Variants in ASPH observed in about 807,000 individuals in gnomAD.
ASPH encodes the protein aspartate beta-hydroxylase, also known as aspartyl/asparaginyl beta-hydroxylase.
In ASPH, 100 loss-of-function variants were observed where a neutral mutation model predicts 118.4. That is an observed-to-expected ratio of 0.84 (90% CI 0.72 to 1.00). The LOEUF is 1.00. Ranked by LOEUF, ASPH falls within the 50% of genes least tolerant of loss-of-function variation. ASPH has a pLI of 0.00. For synonymous variants in ASPH, 315 were observed against 325.6 expected (o/e 0.97, Z 0.35); for missense variants, 920 against 919.5 (o/e 1.00, Z -0.01).
chr8:61,639,279 A>G (rs186563292), intron 10 of ASPH, among the ~76,000 whole-genome samples: 23 of 151,840 alleles, frequency 1.5e-4, no homozygotes, highest in Admixed American at 5.3e-4. Flanking sequence ...GAACAATCTA[A>G]TTTCTTCAGT....
At chr8:61,654,421 G>A (rs541386857) in intron 3 of ASPH, among the ~76,000 whole-genome samples, 1 of 152,098 alleles carries the variant, frequency 6.6e-6, no homozygotes, top group East Asian at 1.9e-4. Context: ...CAAAGATTCC[G>A]TTTGCTGATC....
chr8:61,513,164 T>G (rs1809545335), intron 24 of ASPH, among the ~76,000 whole-genome samples: 1 of 152,224 alleles, frequency 6.6e-6, no homozygotes, highest in Admixed American at 6.5e-5. Context: ...CTTTTAGAAG[T>G]TGAGACAGTC....
chr8:61,568,941 CAT>C (rs1029996127), intron 16 of ASPH, among the ~76,000 whole-genome samples: 20 of 152,018 alleles, frequency 1.3e-4, no homozygotes, highest in South Asian at 4.2e-4. Context: ...AAGGATGGGA[CAT>C]AGTACAGCAT....
At chr8:61,555,380 G>A (rs867902021) in intron 19 of ASPH, among the ~76,000 whole-genome samples, 1 of 152,024 alleles carries the variant, frequency 6.6e-6, no homozygotes. Flanking sequence ...CTTCTCCAAC[G>A]TCTCCTGGGT....
intron 14 of ASPH, among the ~76,000 whole-genome samples, chr8:61,608,852 T>C (rs917996619): frequency 6.6e-6 from 1 of 152,174 alleles, no homozygotes; most frequent in African/African-American, 2.4e-5. Context: ...CTTCATCCAC[T>C]GGGATCCATC....
intron 1 of ASPH, among the ~76,000 whole-genome samples, chr8:61,703,597 A>C (rs1036324269): frequency 2.0e-5 from 3 of 151,308 alleles, no homozygotes; most frequent in African/African-American, 2.4e-5. Context: ...CAAAATCTAC[A>C]AAAAAAAAGG....
chr8:61,552,198 G>C (rs1826257433), intron 20 of ASPH, among the ~76,000 whole-genome samples: 1 of 152,222 alleles, frequency 6.6e-6, no homozygotes, highest in Non-Finnish European at 1.5e-5. Flanking sequence ...CTGACTCTAA[G>C]GAGAGCCCAG....
intron 5 of ASPH, among the ~76,000 whole-genome samples, chr8:61,650,455 G>A (rs893246688): frequency 7.9e-5 from 12 of 152,204 alleles, no homozygotes; most frequent in East Asian, 3.9e-4. Flanking sequence ...TTGGGATCAC[G>A]ATCTCTGTTT....
chr8:61,639,304 G>C (rs908063218), intron 10 of ASPH, among the ~76,000 whole-genome samples: 8 of 152,076 alleles, frequency 5.3e-5, no homozygotes, highest in Non-Finnish European at 1.0e-4. Flanking sequence ...TACATCTCAT[G>C]GCTCATCTCT....
chr8:61,694,934 C>A (rs554346352), intron 1 of ASPH, among the ~76,000 whole-genome samples: 1 of 152,154 alleles, frequency 6.6e-6, no homozygotes, highest in Admixed American at 6.5e-5. Context: ...GACAAAAACA[C>A]CAGGATTCAT....
intron 1 of ASPH, among the ~76,000 whole-genome samples, chr8:61,701,262 G>A (rs2151864723): frequency 6.6e-6 from 1 of 152,320 alleles, no homozygotes; most frequent in South Asian, 2.1e-4. Flanking sequence ...CACTGGTGAA[G>A]GACCAGCTGA....
Position 61,663,842 on chromosome 8 carries a change from T to C in ASPH, c.323-10182A>G, listed in dbSNP as rs188285434. 1.9e-5 allele frequency: 19 copies of C among 980,502 alleles called. No individual in the cohort carries two copies. In the African/African-American group the frequency reaches 3.0e-4, roughly 15 times the overall value. 60.7% of individuals were successfully genotyped at this position (980,502 alleles called of 1,614,324 possible). A position where few individuals can be genotyped will look rare whatever the true frequency, so the allele number is the denominator to read the frequency against. ...CTAAATGTCGTAAAGTATTTGACTT[T>C]AAATAGTAAAAGGCGTTAACCTAAG... On this transcript the variant is annotated intron_variant, in intron 3 of 24. Transcript: ENST00000379454.
intron 22 of ASPH, among the ~76,000 whole-genome samples, chr8:61,523,590 TAC>T (rs1402609203): frequency 1.3e-5 from 2 of 152,082 alleles, no homozygotes; most frequent in African/African-American, 4.8e-5. Flanking sequence ...GTGTTGGGAT[TAC>T]AGTCATGAGC....
chr8:61,703,519 T>C (rs1347004613), intron 1 of ASPH, among the ~76,000 whole-genome samples: 1 of 151,974 alleles, frequency 6.6e-6, no homozygotes, highest in Non-Finnish European at 1.5e-5. Context: ...CGATTTCTAA[T>C]AGCATCAAAA....
chr8:61,562,358 C>A (rs1177446105), intron 18 of ASPH, among the ~76,000 whole-genome samples: 36 of 111,302 alleles, frequency 3.2e-4, no homozygotes, highest in Admixed American at 1.3e-3. Flanking sequence ...ATACTTCTGC[C>A]AAAAAAAAAA....
intron 14 of ASPH, among the ~76,000 whole-genome samples, chr8:61,603,631 T>C (rs559787610): frequency 7.2e-5 from 11 of 152,370 alleles, no homozygotes; most frequent in African/African-American, 2.4e-4. Context: ...CAAACCATTT[T>C]GACACGTATT....
At position 61,600,129 on chromosome 8, in the gene ASPH, G is replaced by A. The variant is rs534391771; in HGVS notation, c.977-16100C>T. On this transcript the variant is annotated intron_variant, in intron 14 of 24. Transcript: ENST00000379454. ...ATATGAAAATAAAAAAAAATACATCGATAGGACAAAAACCATATGATCATC... is the reference window on the plus strand; with the variant it reads ...ATATGAAAATAAAAAAAAATACATCAATAGGACAAAAACCATATGATCATC... Among the ~76,000 whole-genome samples, 9 of 151,934 alleles carry A rather than the reference G, an allele frequency of 5.9e-5. No individual in the cohort carries two copies. In the East Asian group the frequency reaches 9.7e-4, roughly 16 times the overall value.
chr8:61,572,838 C>T (rs962073082), intron 16 of ASPH, among the ~76,000 whole-genome samples: 14 of 152,086 alleles, frequency 9.2e-5, no homozygotes, highest in Non-Finnish European at 1.5e-4. Context: ...TCCTATTCGA[C>T]GTAGTATTGG....
At position 61,600,318 on chromosome 8, in the gene ASPH, AT is replaced by A. The variant is rs1185684333; in HGVS notation, c.977-16290del. Among the ~76,000 whole-genome samples, 359 of 147,110 alleles carry A rather than the reference AT, an allele frequency of 2.4e-3. 1 individual carries two copies. Among genetic ancestry groups the A allele is most frequent in the African/African-American group, 9.1e-3 (336 of 36,730 alleles). ...GAAAGCCTTTCCTCTAAGAACTGAAATAAGAAAAAGGTGTTTACTTTCACTG... is the reference window on the plus strand; with the variant it reads ...GAAAGCCTTTCCTCTAAGAACTGAAAAAGAAAAAGGTGTTTACTTTCACTG... On this transcript the variant is annotated intron_variant, in intron 14 of 24. Transcript: ENST00000379454.
Sources: gnomAD v4.1 joint callset for allele counts (sites outside exome capture counted in the v4.1 genomes callset) on GRCh38, gnomAD v4.1.1 for gene constraint, MANE v1.5 for transcripts, NCBI Gene and HGNC (gene_info 2026-07-23, HGNC 2026-07-21) for gene names.